Variants in REEP1 observed in about 807,000 individuals in gnomAD.
REEP1 encodes receptor expression-enhancing protein 1.
REEP1 carries 22 observed loss-of-function variants against 40.3 expected under a neutral mutation model. The ratio of observed to expected loss-of-function variants is 0.55; its 90% confidence interval spans 0.39 to 0.78. REEP1 has a LOEUF of 0.78. Ranked by LOEUF, REEP1 falls within the 30% of genes least tolerant of loss-of-function variation. REEP1 has a pLI of 0.00. For missense variants in REEP1, 280 were observed against 361.1 expected (o/e 0.78, Z 1.82); for synonymous variants, 116 against 139.2 (o/e 0.83, Z 1.17).
chr2:86,260,229 C>G (rs1676784492), intron 3 of REEP1, among the ~76,000 whole-genome samples: 1 of 152,124 alleles, frequency 6.6e-6, no homozygotes, highest in Admixed American at 6.5e-5. Context: ...ATAAAGCAGG[C>G]AGAAAGGTTC....
chr2:86,229,450 A>T (rs1016503937), intron 6 of REEP1, among the ~76,000 whole-genome samples: 2 of 151,910 alleles, frequency 1.3e-5, no homozygotes, highest in African/African-American at 4.8e-5. Flanking sequence ...AGCTGGGGAG[A>T]GTACACCAGC....
intron 2 of REEP1, among the ~76,000 whole-genome samples, chr2:86,274,824 G>A (rs1388370917): frequency 6.6e-6 from 1 of 152,160 alleles, no homozygotes; most frequent in African/African-American, 2.4e-5. Context: ...GGAGTGAAGA[G>A]ATGGGAAAGA....
chr2:86,302,503 G>A (rs1193528907), intron 1 of REEP1, among the ~76,000 whole-genome samples: 2 of 152,172 alleles, frequency 1.3e-5, no homozygotes, highest in African/African-American at 4.8e-5. Flanking sequence ...CTCTGATCCA[G>A]TAATTGCACT....
chr2:86,332,376 G>A (rs561144394), intron 1 of REEP1, among the ~76,000 whole-genome samples: 23 of 150,900 alleles, frequency 1.5e-4, no homozygotes, highest in African/African-American at 4.4e-4. Context: ...AAGGTGCCAC[G>A]TGCTATGGCT....
intron 5 of REEP1, among the ~76,000 whole-genome samples, chr2:86,238,154 C>T (rs887746670): frequency 2.6e-5 from 4 of 152,152 alleles, no homozygotes; most frequent in African/African-American, 9.7e-5. Context: ...GCACTCCAGC[C>T]TGGACAACAA....
At chr2:86,304,892 G>A (rs1229250840) in intron 1 of REEP1, among the ~76,000 whole-genome samples, 2 of 152,186 alleles carry the variant, frequency 1.3e-5, no homozygotes, top group Non-Finnish European at 2.9e-5. Flanking sequence ...GCAGCTATGG[G>A]GTGGCCACAT....
chr2:86,286,534 G>T (rs112395902), intron 1 of REEP1, among the ~76,000 whole-genome samples: 3 of 152,214 alleles, frequency 2.0e-5, no homozygotes, highest in South Asian at 2.1e-4. Flanking sequence ...GAACCCCAAG[G>T]TTCATTTTTT....
intron 6 of REEP1, among the ~76,000 whole-genome samples, chr2:86,229,507 G>A (rs926714552): frequency 5.3e-5 from 8 of 151,172 alleles, no homozygotes; most frequent in Non-Finnish European, 1.0e-4. Flanking sequence ...TAGGCATGTT[G>A]ACCTTACTTC....
intron 5 of REEP1, among the ~76,000 whole-genome samples, chr2:86,233,247 C>A (rs908249789): frequency 6.6e-6 from 1 of 152,170 alleles, no homozygotes; most frequent in African/African-American, 2.4e-5. Context: ...ACCTAATATT[C>A]TATGTGCTTG....
Position 86,337,021 on chromosome 2 carries a change from G to C in REEP1, c.32+458C>G, listed in dbSNP as rs1297047741. On this transcript the variant is annotated intron_variant, in intron 1 of 8. Transcript: ENST00000538924. This position sits in a 1 kb window ranked among gnomAD's most constrained non-coding sequence, Gnocchi z 5.8. ...CCGTTCCGCGCTGACCCTCCAGGCA[G>C]CGCCCCTGGTTCGTCTGCGCTGTCC... The C allele has an allele frequency of 6.6e-6, 1 of 152,490 alleles. No homozygotes were observed. The highest frequency in any genetic ancestry group is 1.5e-5 in the Non-Finnish European group (1 of 68,222). 9.4% of individuals were successfully genotyped at this position (152,490 alleles called of 1,614,324 possible). A position where few individuals can be genotyped will look rare whatever the true frequency, so the allele number is the denominator to read the frequency against.
intron 3 of REEP1, among the ~76,000 whole-genome samples, chr2:86,256,871 C>T (rs1390884183): frequency 1.3e-5 from 2 of 152,206 alleles, no homozygotes; most frequent in Admixed American, 1.3e-4. Flanking sequence ...CCTTTCCAGG[C>T]ATCCTCCCCA....
At chr2:86,331,942 T>C (rs914114170) in intron 1 of REEP1, among the ~76,000 whole-genome samples, 4 of 152,108 alleles carry the variant, frequency 2.6e-5, no homozygotes, top group Non-Finnish European at 5.9e-5. Context: ...TCACTTGCCA[T>C]CCTGGTCTGG....
chr2:86,250,119 T>G (rs2104209908), intron 5 of REEP1, among the ~76,000 whole-genome samples: 1 of 152,308 alleles, frequency 6.6e-6, no homozygotes, highest in East Asian at 1.9e-4. Context: ...AGGCAGTGAC[T>G]GGCCAGGATG....
chr2:86,272,191 C>T (rs1300021013), intron 2 of REEP1, among the ~76,000 whole-genome samples: 2 of 152,226 alleles, frequency 1.3e-5, no homozygotes, highest in Non-Finnish European at 2.9e-5. Context: ...CACTGCACTC[C>T]AGCCTGGGCA....
Position 86,217,029 on chromosome 2 carries a change from C to T in REEP1, c.*10G>A. 1.2e-6 allele frequency: 2 copies of T among 1,611,892 alleles called. No homozygotes were observed. Among genetic ancestry groups the T allele is most frequent in the East Asian group, 4.5e-5 (2 of 44,866 alleles). On this transcript the variant is annotated 3_prime_UTR_variant, in exon 9 of 9. Coordinates refer to ENST00000538924, the MANE Select transcript of REEP1 (RefSeq NM_001371279.1). ...CATTCTGTGGATCCGGTGCTGTTGGCTCATCTCACTCACGTGGTTTCGGTG... is the reference window on the plus strand; with the variant it reads ...CATTCTGTGGATCCGGTGCTGTTGGTTCATCTCACTCACGTGGTTTCGGTG...
chr2:86,337,840 C>T (rs1181616304), upstream of REEP1, among the ~76,000 whole-genome samples: 10 of 152,134 alleles, frequency 6.6e-5, no homozygotes, highest in African/African-American at 1.9e-4. This position sits in a 1 kb window ranked among gnomAD's most constrained non-coding sequence, Gnocchi z 5.8. Context: ...GGGCACCGGC[C>T]CCGCCAAAGG....
chr2:86,241,234 T>A (rs567490893), intron 5 of REEP1, among the ~76,000 whole-genome samples: 1 of 152,194 alleles, frequency 6.6e-6, no homozygotes, highest in South Asian at 2.1e-4. Flanking sequence ...AAAGGGACAA[T>A]GAGAAGGCAG....
At chr2:86,313,331 G>T (rs2104491891) in intron 1 of REEP1, among the ~76,000 whole-genome samples, 1 of 150,852 alleles carries the variant, frequency 6.6e-6, no homozygotes, top group South Asian at 2.1e-4. Context: ...TAGAGACAAG[G>T]TCTTGCTATG....
chr2:86,331,047 C>T (rs759146130), intron 1 of REEP1, among the ~76,000 whole-genome samples: 1 of 152,188 alleles, frequency 6.6e-6, no homozygotes, highest in African/African-American at 2.4e-5. Flanking sequence ...GCAACCAGAA[C>T]CAAGATTCTC....
Sources: allele counts gnomAD v4.1 joint callset (sites outside exome capture counted in the v4.1 genomes callset), GRCh38; gene constraint gnomAD v4.1.1; non-coding constraint Gnocchi (gnomAD v3.1); transcripts MANE v1.5; gene names NCBI Gene and HGNC (gene_info 2026-07-23, HGNC 2026-07-21).